The following CNTNAP2 variants were observed in gnomAD, a reference collection of about 807,000 sequenced individuals.
The protein encoded by CNTNAP2 is contactin associated protein 2, also known as contactin-associated protein-like 2.
CNTNAP2 carries 98 observed loss-of-function variants against 155.2 expected under a neutral mutation model. The ratio of observed to expected loss-of-function variants is 0.63; its 90% CI spans 0.54 to 0.75. The LOEUF (loss-of-function observed/expected upper bound fraction) is 0.75. CNTNAP2 is among the 30% of genes least tolerant of loss of function. The pLI is 0.00. For synonymous variants in CNTNAP2, 651 were observed against 631.2 expected (o/e 1.03, Z -0.47); for missense variants, 1,727 against 1,688.1 (o/e 1.02, Z -0.40).
At chr7:147,864,339 T>C (rs1799188939) in intron 13 of CNTNAP2, among the ~76,000 whole-genome samples, 1 of 152,186 alleles carries the variant, frequency 6.6e-6, no homozygotes, top group African/African-American at 2.4e-5. Context: ...AGCCTTGTAG[T>C]ATAGTTTGAA....
chr7:147,354,437 G>C (rs946166672), intron 9 of CNTNAP2, among the ~76,000 whole-genome samples: 1 of 152,150 alleles, frequency 6.6e-6, no homozygotes, highest in African/African-American at 2.4e-5. Context: ...TCAAAGATCA[G>C]ATTGTTCTAG....
At chr7:147,954,012 G>A (rs546072990) in intron 14 of CNTNAP2, among the ~76,000 whole-genome samples, 1 of 152,108 alleles carries the variant, frequency 6.6e-6, no homozygotes, top group Non-Finnish European at 1.5e-5. Flanking sequence ...CACCACAGAA[G>A]CTACACCAAT....
chr7:147,315,268 A>C (rs1029157666), intron 9 of CNTNAP2, among the ~76,000 whole-genome samples: 7 of 122,400 alleles, frequency 5.7e-5, no homozygotes, highest in Non-Finnish European at 1.2e-4. Context: ...TTCACCATTT[A>C]AAGTGAATAA....
intron 8 of CNTNAP2, among the ~76,000 whole-genome samples, chr7:147,288,542 T>A (rs1046537480): frequency 9.2e-5 from 14 of 152,194 alleles, no homozygotes; most frequent in Non-Finnish European, 1.8e-4. Flanking sequence ...ACCCCAGTCA[T>A]AAGAAATCAG....
intron 9 of CNTNAP2, among the ~76,000 whole-genome samples, chr7:147,346,796 CTT>C (rs1186794465): frequency 1.3e-5 from 2 of 152,160 alleles, no homozygotes; most frequent in African/African-American, 4.8e-5. Context: ...ACCTTTCAAA[CTT>C]TGCGTAGTCT....
chr7:146,330,747 G>C (rs1563041482), intron 1 of CNTNAP2, among the ~76,000 whole-genome samples: 1 of 152,138 alleles, frequency 6.6e-6, no homozygotes, highest in Non-Finnish European at 1.5e-5. Context: ...TGGTGGCTTG[G>C]ATTAGGATAG....
intron 10 of CNTNAP2, among the ~76,000 whole-genome samples, chr7:147,412,416 A>T (rs1797119823): frequency 6.6e-6 from 1 of 152,146 alleles, no homozygotes; most frequent in Non-Finnish European, 1.5e-5. Context: ...CAATTCATAG[A>T]TAAACTCCAT....
chr7:146,452,076 T>C (rs1253202669), intron 1 of CNTNAP2, among the ~76,000 whole-genome samples: 1 of 151,256 alleles, frequency 6.6e-6, no homozygotes, highest in Non-Finnish European at 1.5e-5. Flanking sequence ...ACTCAGATAA[T>C]TTTTATATTT....
At chr7:147,784,785 G>A (rs1054696803) in intron 13 of CNTNAP2, among the ~76,000 whole-genome samples, 3 of 151,650 alleles carry the variant, frequency 2.0e-5, no homozygotes, top group Non-Finnish European at 2.9e-5. Flanking sequence ...GCAGACTGTG[G>A]TAGAAGACAG....
chr7:146,745,869 C>T (rs141174704), intron 1 of CNTNAP2, among the ~76,000 whole-genome samples: 2 of 152,026 alleles, frequency 1.3e-5, no homozygotes, highest in East Asian at 3.9e-4. Context: ...GCAGTCTATG[C>T]CTTCTGCCAC....
At chr7:146,531,803 C>T (rs1022925296) in intron 1 of CNTNAP2, among the ~76,000 whole-genome samples, 15 of 152,090 alleles carry the variant, frequency 9.9e-5, no homozygotes, top group African/African-American at 3.6e-4. Context: ...CTTCAGCCTC[C>T]CAAAGTGCTG....
At position 147,626,594 on chromosome 7, in the gene CNTNAP2, C is replaced by T. The variant is rs1044339163; in HGVS notation, c.1898-12512C>T. Among the ~76,000 whole-genome samples, 5 of 152,120 alleles carry T rather than the reference C, an allele frequency of 3.3e-5. No individual in the cohort carries two copies. The East Asian group carries it at 5.8e-4, about 18-fold the overall frequency. On this transcript the variant is annotated intron_variant, in intron 12 of 23. Transcript: ENST00000361727. ...CTCTTGGGAGCTTTATGGCCCTGCC[C>T]ATCACCTGAGAAACTGAAATACTTA...
At chr7:147,564,614 A>G (rs1011766933) in intron 12 of CNTNAP2, among the ~76,000 whole-genome samples, 6 of 152,208 alleles carry the variant, frequency 3.9e-5, no homozygotes, top group Middle Eastern at 3.2e-3. Context: ...GGAAATTAGA[A>G]AAGAAAACAA....
chr7:147,447,787 GTAAA>G (rs1253212156), intron 10 of CNTNAP2, among the ~76,000 whole-genome samples: 4 of 151,578 alleles, frequency 2.6e-5, no homozygotes, highest in Non-Finnish European at 5.9e-5. Flanking sequence ...ATGAATATAT[GTAAA>G]TAAATATATA....
At chr7:146,944,441 C>T (rs1170861268) in intron 3 of CNTNAP2, among the ~76,000 whole-genome samples, 1 of 151,506 alleles carries the variant, frequency 6.6e-6, no homozygotes, top group Non-Finnish European at 1.5e-5. Context: ...TATGAAACAA[C>T]CTACTGTAGT....
At chr7:147,774,402 T>C (rs1217131465) in intron 13 of CNTNAP2, among the ~76,000 whole-genome samples, 1 of 152,196 alleles carries the variant, frequency 6.6e-6, no homozygotes, top group African/African-American at 2.4e-5. Context: ...TATGACAACA[T>C]GGTTTAAAAT....
chr7:148,397,270 A>G (rs895736187), intron 22 of CNTNAP2, among the ~76,000 whole-genome samples: 9 of 152,212 alleles, frequency 5.9e-5, no homozygotes, highest in African/African-American at 1.9e-4. Flanking sequence ...ACAAATCCCA[A>G]TGCCTGTTCC....
At chr7:146,282,310 A>G (rs1187116559) in intron 1 of CNTNAP2, among the ~76,000 whole-genome samples, 3 of 152,214 alleles carry the variant, frequency 2.0e-5, no homozygotes, top group African/African-American at 7.2e-5. Context: ...GCTCCAAAGC[A>G]AAGCTTGGTT....
At chr7:146,518,614 A>G (rs1294874371) in intron 1 of CNTNAP2, among the ~76,000 whole-genome samples, 1 of 151,866 alleles carries the variant, frequency 6.6e-6, no homozygotes, top group Non-Finnish European at 1.5e-5. Flanking sequence ...AATATTAGCA[A>G]AAAATTTTTA....
Sources: allele counts gnomAD v4.1 joint callset (sites outside exome capture counted in the v4.1 genomes callset), GRCh38; gene constraint gnomAD v4.1.1; transcripts MANE v1.5; gene names NCBI Gene and HGNC (gene_info 2026-07-23, HGNC 2026-07-21).